MCTP2: variants seen among roughly 807,000 people sequenced by gnomAD.
MCTP2 encodes the protein multiple C2 and transmembrane domain-containing protein 2.
MCTP2 carries 132 observed loss-of-function variants against 111.6 expected under a neutral mutation model. The ratio of observed to expected loss-of-function variants is 1.18; its 90% CI spans 1.03 to 1.37. The LOEUF (loss-of-function observed/expected upper bound fraction) is 1.37. Ranked by LOEUF, MCTP2 falls within the 40% of genes most tolerant of loss-of-function variation. MCTP2 has a pLI of 0.00. For missense variants in MCTP2, 1,183 were observed against 1,067.9 expected, an observed-to-expected ratio of 1.11 and a Z score of -1.50; for synonymous variants, 395 against 387.7, an observed-to-expected ratio of 1.02 and a Z score of -0.22.
At chr15:94,393,034 G>A (rs2081083477) in intron 14 of MCTP2, among the ~76,000 whole-genome samples, 1 of 151,924 alleles carries the variant, frequency 6.6e-6, no homozygotes. Context: ...ATGAAATTAT[G>A]CACATTTTAA....
In MCTP2 at chr15:94,402,068, A is replaced by G. The variant is rs772297841; in HGVS notation, c.2085+49A>G. 6.8e-5 allele frequency: 109 copies of G among 1,595,694 alleles called. No individual in the cohort carries two copies. The South Asian group carries it at 1.2e-3, about 17-fold the overall frequency. On this transcript the variant is annotated intron_variant, in intron 17 of 22. Coordinates refer to ENST00000357742, the MANE Select transcript of MCTP2 (RefSeq NM_001385001.1). ...AACTATTTGCTTCTTATTTGCATCTATTCATCTTTCTGAAATATATTACAG... is the reference window on the plus strand; with the variant it reads ...AACTATTTGCTTCTTATTTGCATCTGTTCATCTTTCTGAAATATATTACAG...
In MCTP2 at chr15:94,250,512, A is replaced by G. The variant is rs2072337040; in HGVS notation, c.-66+18848A>G. Among the ~76,000 whole-genome samples, 5 of 152,192 alleles carry G rather than the reference A, an allele frequency of 3.3e-5. No homozygotes were observed. In the South Asian group the frequency reaches 1.0e-3, roughly 31 times the overall value. On this transcript the variant is annotated intron_variant, in intron 1 of 22. Transcript: ENST00000357742. ...CTAAATCTAAAAACACATTAAGGCA[A>G]AGCACCTGGCTCCTCAAAGAGCTAA... is the stretch of plus-strand genomic sequence containing the variant.
chr15:94,470,712 A>T (rs2073852224), intron 21 of MCTP2, among the ~76,000 whole-genome samples: 1 of 152,258 alleles, frequency 6.6e-6, no homozygotes, highest in Non-Finnish European at 1.5e-5. Context: ...TTTGCTAGTC[A>T]TAAATCCTCT....
At chr15:94,465,310 A>T (rs1041007717) in intron 20 of MCTP2, among the ~76,000 whole-genome samples, 1 of 152,062 alleles carries the variant, frequency 6.6e-6, no homozygotes, top group African/African-American at 2.4e-5. Context: ...TGGATGTCTG[A>T]AATCATGGAT....
chr15:94,474,861 T>A (rs143499601), intron 21 of MCTP2, among the ~76,000 whole-genome samples: 52 of 148,428 alleles, frequency 3.5e-4, no homozygotes, highest in Admixed American at 8.6e-4. Flanking sequence ...TATCCTAAGT[T>A]TTTTTTTTTC....
At chr15:94,447,142 C>A (rs1282689690) in intron 19 of MCTP2, among the ~76,000 whole-genome samples, 2 of 152,192 alleles carry the variant, frequency 1.3e-5, no homozygotes, top group Non-Finnish European at 2.9e-5. Context: ...CCAGACAGGG[C>A]CTTCTTAGTG....
intron 4 of MCTP2, among the ~76,000 whole-genome samples, chr15:94,328,352 TCTC>T (rs2076981636): frequency 6.6e-6 from 1 of 152,030 alleles, no homozygotes; most frequent in Non-Finnish European, 1.5e-5. Flanking sequence ...ATGGTCTTGA[TCTC>T]CTGACCTCGT....
chr15:94,298,909 C>A (rs1349314706), intron 2 of MCTP2, among the ~76,000 whole-genome samples, 179 bp downstream of exon 2: 1 of 55,234 alleles, frequency 1.8e-5, no homozygotes. Context: ...CCCTCCCTCT[C>A]CCTCCCTCCC....
Position 94,450,644 on chromosome 15 carries a change from T to C in MCTP2, c.2251-7493T>C, listed in dbSNP as rs997279692. On this transcript the variant is annotated intron_variant, in intron 19 of 22. Transcript: ENST00000357742. ...ACCAAACATATTCTTATTTAAAGTC[T>C]AAAGGTATATTTTTGCATCTTTAGT... Among the ~76,000 whole-genome samples, 3 of 152,246 alleles carry C rather than the reference T, an allele frequency of 2.0e-5. No individual in the cohort carries two copies. In the East Asian group the frequency reaches 5.8e-4, roughly 29 times the overall value.
intron 17 of MCTP2, among the ~76,000 whole-genome samples, chr15:94,418,713 A>G (rs2082485739): frequency 6.6e-6 from 1 of 152,174 alleles, no homozygotes; most frequent in Admixed American, 6.6e-5. Context: ...ATCATCACAA[A>G]ATGTAGAATA....
chr15:94,310,726 ATAC>A (rs1322625046), intron 2 of MCTP2, among the ~76,000 whole-genome samples: 7 of 150,748 alleles, frequency 4.6e-5, no homozygotes, highest in African/African-American at 7.2e-5. Context: ...ATAATATATA[ATAC>A]TACAACATAT....
At chr15:94,332,001 G>A (rs1038561390) in intron 4 of MCTP2, among the ~76,000 whole-genome samples, 2 of 152,216 alleles carry the variant, frequency 1.3e-5, no homozygotes, top group South Asian at 2.1e-4. Context: ...GCCTGGGAAT[G>A]TGCATGTTCT....
chr15:94,242,755 T>A (rs2152226755), intron 1 of MCTP2, among the ~76,000 whole-genome samples: 1 of 151,634 alleles, frequency 6.6e-6, no homozygotes, highest in African/African-American at 2.4e-5. Context: ...TTAACTAAGT[T>A]TTGAGGTCAG....
At chr15:94,245,826 T>TC (rs549975986) in intron 1 of MCTP2, among the ~76,000 whole-genome samples, 29 of 149,260 alleles carry the variant, frequency 1.9e-4, no homozygotes, top group South Asian at 1.5e-3. Flanking sequence ...TTCTGATTGC[T>TC]CCCCCCCCAG....
At chr15:94,330,112 G>T (rs2077064066) in intron 4 of MCTP2, among the ~76,000 whole-genome samples, 1 of 152,270 alleles carries the variant, frequency 6.6e-6, no homozygotes, top group East Asian at 1.9e-4. Flanking sequence ...GTTTATTCAT[G>T]TCATTGCAAA....
intron 17 of MCTP2, among the ~76,000 whole-genome samples, chr15:94,427,010 G>T (rs1450052701): frequency 1.3e-5 from 2 of 152,120 alleles, no homozygotes; most frequent in Admixed American, 6.5e-5. Context: ...ATTGCCAGAA[G>T]ATTTTAGCAG....
chr15:94,376,848 T>A (rs4984389), intron 12 of MCTP2, among the ~76,000 whole-genome samples: 20,647 of 152,266 alleles, frequency 0.14, 1,590 homozygotes, highest in Middle Eastern at 0.19. Context: ...GAACTACTTT[T>A]GTGCTTGAAT....
chr15:94,244,626 A>G (rs999460646), intron 1 of MCTP2, among the ~76,000 whole-genome samples: 12 of 148,400 alleles, frequency 8.1e-5, no homozygotes, highest in Admixed American at 4.6e-4. Context: ...ATACACATAC[A>G]TATGCACCTA....
chr15:94,399,770 C>T (rs1050560920), intron 15 of MCTP2, 151 bp from the exon 16 acceptor site: 10 of 649,742 alleles, frequency 1.5e-5, no homozygotes, highest in Non-Finnish European at 2.5e-5. Context: ...GAAACATGTA[C>T]AGGGCACAGG....
Sources: allele counts gnomAD v4.1 joint callset (sites outside exome capture counted in the v4.1 genomes callset), GRCh38; gene constraint gnomAD v4.1.1; transcripts MANE v1.5; gene names NCBI Gene and HGNC (gene_info 2026-07-23, HGNC 2026-07-21).